Variants in ABHD2 observed in about 807,000 individuals in gnomAD.
ABHD2 encodes monoacylglycerol lipase ABHD2.
In ABHD2, 20 loss-of-function variants were observed where a neutral mutation model predicts 48.1. The observed-to-expected ratio is 0.42, with a 90% CI of 0.29 to 0.60. The LOEUF is 0.60. Ranked by LOEUF, ABHD2 falls within the 20% of genes least tolerant of loss-of-function variation. The probability of loss-of-function intolerance (pLI) is 0.24; values close to 1 mark genes in which losing one functional copy is unlikely to be tolerated. For missense variants in ABHD2, 405 were observed against 550.9 expected, an observed-to-expected ratio of 0.74 and a Z score of 2.65; for synonymous variants, 209 against 214.2, an observed-to-expected ratio of 0.98 and a Z score of 0.21.
chr15:89,164,804 A>T lies in ABHD2; in HGVS notation c.538+9270A>T, dbSNP rs962379624. Reference sequence around the variant, plus strand: ...AAAAAAAAAAAATGGCAATAATATAAAAGTGCATGGCATAGAGTCCAGCAA... The same window carrying T: ...AAAAAAAAAAAATGGCAATAATATATAAGTGCATGGCATAGAGTCCAGCAA... On this transcript the variant is annotated intron_variant, in intron 5 of 10. Transcript: ENST00000352732. This position sits in a 1 kb window ranked among gnomAD's most constrained non-coding sequence, Gnocchi z 5.0. Among the ~76,000 whole-genome samples the T allele has an allele frequency of 1.3e-5, 2 of 152,276 alleles. No individual in the cohort carries two copies. The highest frequency in any genetic ancestry group is 1.3e-4 in the Admixed American group (2 of 15,294).
intron 3 of ABHD2, among the ~76,000 whole-genome samples, chr15:89,150,444 A>G (rs981481698): frequency 6.6e-6 from 1 of 152,150 alleles, no homozygotes; most frequent in Non-Finnish European, 1.5e-5. Context: ...TCCAAATGCC[A>G]TGGCTTTTGC....
chr15:89,128,492 A>T (rs2050170457), intron 3 of ABHD2, among the ~76,000 whole-genome samples: 1 of 152,188 alleles, frequency 6.6e-6, no homozygotes, highest in South Asian at 2.1e-4. Flanking sequence ...CTTTGCCGTC[A>T]CCACAGCTAC....
chr15:89,183,878 G>A (rs1209785216), intron 6 of ABHD2, among the ~76,000 whole-genome samples: 1 of 152,100 alleles, frequency 6.6e-6, no homozygotes, highest in African/African-American at 2.4e-5. Context: ...TGGCTCTCTG[G>A]GTGGCTTGGA....
intron 6 of ABHD2, among the ~76,000 whole-genome samples, chr15:89,181,451 A>T (rs2051113340): frequency 6.6e-6 from 1 of 152,110 alleles, no homozygotes; most frequent in Non-Finnish European, 1.5e-5. Flanking sequence ...GTATTTTTTT[A>T]GTATCGTCTA....
chr15:89,050,333 C>T, the ABHD2 span, among the ~76,000 whole-genome samples: 1 of 152,162 alleles, frequency 6.6e-6, no homozygotes, highest in Non-Finnish European at 1.5e-5. Flanking sequence ...GCGGATGTCT[C>T]AGCAGCAACC....
the ABHD2 span, among the ~76,000 whole-genome samples, chr15:89,065,239 G>C: frequency 6.6e-6 from 1 of 152,030 alleles, no homozygotes; most frequent in Admixed American, 6.6e-5. Flanking sequence ...GTTGTTATCA[G>C]TTTAGAATAC....
At position 89,197,840 on chromosome 15, in the gene ABHD2, G is replaced by C; in HGVS notation, c.*2417G>C. Reference sequence around the variant, plus strand: ...CAGTGTCCCAGCTGAAATCTTTTTAGTGTGTGGCTCTGAATGGCACTCACA... The same window carrying C: ...CAGTGTCCCAGCTGAAATCTTTTTACTGTGTGGCTCTGAATGGCACTCACA... On this transcript the variant is annotated 3_prime_UTR_variant, in exon 11 of 11. Coordinates refer to ENST00000352732, the MANE Select transcript of ABHD2 (RefSeq NM_152924.5). This position sits in a 1 kb window ranked among gnomAD's most constrained non-coding sequence, Gnocchi z 4.4. The C allele has an allele frequency of 6.6e-6, 1 of 152,312 alleles. No individual in the cohort carries two copies. Among genetic ancestry groups the C allele is most frequent in the South Asian group, 2.1e-4 (1 of 4,824 alleles). 9.4% of individuals were successfully genotyped at this position (152,312 alleles called of 1,614,324 possible).
intron 5 of ABHD2, among the ~76,000 whole-genome samples, chr15:89,169,903 T>A (rs1290894676): frequency 6.6e-6 from 1 of 151,922 alleles, no homozygotes; most frequent in Non-Finnish European, 1.5e-5. Flanking sequence ...GACCCCCAGT[T>A]TTTCTCCCCA....
At position 89,114,465 on chromosome 15, in the gene ABHD2, A is replaced by C. The variant is rs73467745; in HGVS notation, c.-7+641A>C. ...TGAGGAGGAGTGTCACCAGAAGTTA[A>C]GTTTTTTTTGTTTTGTTTTTTGTTT... On this transcript the variant is annotated intron_variant, in intron 2 of 10. Coordinates refer to ENST00000352732, the MANE Select transcript of ABHD2 (RefSeq NM_152924.5). This position sits in a 1 kb window ranked among gnomAD's most constrained non-coding sequence, Gnocchi z 4.2. Among the ~76,000 whole-genome samples, 5,350 of 151,980 alleles carry C rather than the reference A, an allele frequency of 0.035. 135 individuals are homozygous for C. Among genetic ancestry groups the C allele is most frequent in the African/African-American group, 0.074 (3,052 of 41,470 alleles).
chr15:89,125,688 A>T (rs866583426), intron 3 of ABHD2, among the ~76,000 whole-genome samples: 1 of 152,260 alleles, frequency 6.6e-6, no homozygotes, highest in South Asian at 2.1e-4. Flanking sequence ...TAAGTTGTTC[A>T]CCCTCTCAAC....
At chr15:89,171,342 A>G (rs1374636711) in intron 5 of ABHD2, among the ~76,000 whole-genome samples, 1 of 152,102 alleles carries the variant, frequency 6.6e-6, no homozygotes, top group African/African-American at 2.4e-5. Context: ...AGGTCCAAGA[A>G]TGTGCATTTG....
chr15:89,137,885 G>A lies in ABHD2; in HGVS notation c.195-13792G>A, dbSNP rs951963302. Among the ~76,000 whole-genome samples, 3 of 152,208 alleles carry A rather than the reference G, an allele frequency of 2.0e-5. No homozygotes were observed. Among genetic ancestry groups the A allele is most frequent in the Admixed American group, 6.5e-5 (1 of 15,282 alleles). ...AGCCTCAGCCTTACCTCCCCAGTAGGACTGGTGAGATGTGCACACAGGGTC... is the reference window on the plus strand; with the variant it reads ...AGCCTCAGCCTTACCTCCCCAGTAGAACTGGTGAGATGTGCACACAGGGTC... On this transcript the variant is annotated intron_variant, in intron 3 of 10. Transcript: ENST00000352732. This position sits in a 1 kb window ranked among gnomAD's most constrained non-coding sequence, Gnocchi z 4.8.
chr15:89,065,201 C>T, the ABHD2 span, among the ~76,000 whole-genome samples: 1 of 152,154 alleles, frequency 6.6e-6, no homozygotes, highest in Admixed American at 6.5e-5. Context: ...TCCACCTCCT[C>T]CTTCAAGGAA....
chr15:89,104,094 A>T lies in ABHD2; in HGVS notation c.-106-9631A>T, dbSNP rs2049744518. 6.6e-6 allele frequency: 1 copy of T among 152,184 alleles called. No individual in the cohort carries two copies. Among genetic ancestry groups the T allele is most frequent in the Admixed American group, 6.5e-5 (1 of 15,286 alleles). 9.4% of individuals were successfully genotyped at this position (152,184 alleles called of 1,614,324 possible). A position where few individuals can be genotyped will look rare whatever the true frequency, so the allele number is the denominator to read the frequency against. On this transcript the variant is annotated intron_variant, in intron 1 of 10. Transcript: ENST00000352732. This position sits in a 1 kb window ranked among gnomAD's most constrained non-coding sequence, Gnocchi z 4.4. The stretch of plus-strand genomic sequence containing the variant: ...AAGCATGCCTCAAAATGCTGTGCAC[A>T]CTATGTACTGTTGCCCCCAGAACCT...
chr15:89,067,153 G>C, the ABHD2 span, among the ~76,000 whole-genome samples: 1 of 152,214 alleles, frequency 6.6e-6, no homozygotes, highest in African/African-American at 2.4e-5. Context: ...TGCATAAAGT[G>C]GGATCAGGGG....
At chr15:89,088,216 TA>T (rs1157615205), upstream of ABHD2, 3 of 152,404 alleles carry the variant, frequency 2.0e-5, no homozygotes, top group Admixed American at 2.0e-4. The surrounding 1 kb of genome is among the most constrained non-coding windows in gnomAD (Gnocchi z 6.8). Flanking sequence ...GTCCCTGGAC[TA>T]AAGCCGTCAA....
At chr15:89,112,689 CTT>C (rs984379982) in intron 1 of ABHD2, among the ~76,000 whole-genome samples, 2 of 152,178 alleles carry the variant, frequency 1.3e-5, no homozygotes, top group African/African-American at 4.8e-5. Context: ...AGCTGTCTGA[CTT>C]TGGGCAAGCC....
intron 1 of ABHD2, among the ~76,000 whole-genome samples, chr15:89,111,724 A>G (rs1442076102): frequency 6.6e-6 from 1 of 152,366 alleles, no homozygotes; most frequent in African/African-American, 2.4e-5. Context: ...AAGGGAAGCC[A>G]GAAAGCATTC....
rs2051025524 is a variant in ABHD2, at chr15:89,177,024, C to T, written c.722+1029C>T. 6.6e-6 allele frequency among the ~76,000 whole-genome samples: 1 copy of T among 152,208 alleles called. No individual in the cohort carries two copies. The highest frequency in any genetic ancestry group is 2.4e-5 in the African/African-American group (1 of 41,442). ...TTAAAGCCAGCACACCCAAAAGACA[C>T]ATGTGGGCCCAGGATTCAGCCTCTC... On this transcript the variant is annotated intron_variant, in intron 6 of 10. Coordinates refer to ENST00000352732, the MANE Select transcript of ABHD2 (RefSeq NM_152924.5). The surrounding 1 kb of genome is among the most constrained non-coding windows in gnomAD (Gnocchi z 5.6).
Sources: gnomAD v4.1 joint callset for allele counts (sites outside exome capture counted in the v4.1 genomes callset) on GRCh38, gnomAD v4.1.1 for gene constraint, Gnocchi (gnomAD v3.1) non-coding constraint, MANE v1.5 for transcripts, NCBI Gene and HGNC (gene_info 2026-07-23, HGNC 2026-07-21) for gene names.